WNT7A: variants seen among roughly 807,000 people sequenced by gnomAD.
WNT7A encodes the protein protein Wnt-7a.
In WNT7A, 16 loss-of-function variants were observed where a neutral mutation model predicts 28.2. The ratio of observed to expected loss-of-function variants is 0.57; its 90% CI spans 0.38 to 0.86. WNT7A has a LOEUF of 0.86. Among genes scored for constraint, WNT7A ranks in the 40% least tolerant of loss-of-function variants. The pLI, the probability that WNT7A is intolerant of heterozygous loss-of-function variation, is 0.00. For synonymous variants in WNT7A, 190 were observed against 195.9 expected (o/e 0.97, Z 0.25); for missense variants, 411 against 489.7 (o/e 0.84, Z 1.52).
chr3:13,845,308 G>T (rs1314838190), intron 3 of WNT7A, among the ~76,000 whole-genome samples: 2 of 152,216 alleles, frequency 1.3e-5, no homozygotes, highest in East Asian at 3.8e-4. Flanking sequence ...CTCTAAGAGA[G>T]TGATGTCCAA....
chr3:13,877,147 TGG>T (rs1695122340), intron 1 of WNT7A: 1 of 152,222 alleles, frequency 6.6e-6, no homozygotes, highest in Non-Finnish European at 1.5e-5. Context: ...TCAGTAAACT[TGG>T]GCAGTGTCCC....
At chr3:13,853,416 G>T (rs973424715) in intron 3 of WNT7A, among the ~76,000 whole-genome samples, 2 of 152,192 alleles carry the variant, frequency 1.3e-5, no homozygotes, top group Admixed American at 6.5e-5. Flanking sequence ...GCCCCAACCT[G>T]CAGGGGTTCC....
At chr3:13,858,657 G>T (rs1694785128) in intron 2 of WNT7A, among the ~76,000 whole-genome samples, 1 of 152,090 alleles carries the variant, frequency 6.6e-6, no homozygotes, top group Admixed American at 6.5e-5. Context: ...TCCCCACCAA[G>T]CTGGGCTTCC....
intron 3 of WNT7A, among the ~76,000 whole-genome samples, chr3:13,837,786 A>T (rs1274930867): frequency 6.6e-6 from 1 of 152,054 alleles, no homozygotes; most frequent in African/African-American, 2.4e-5. Context: ...CCTCCATCTG[A>T]GCTGCCTGGG....
At chr3:13,842,808 G>A (rs1279046343) in intron 3 of WNT7A, among the ~76,000 whole-genome samples, 1 of 152,198 alleles carries the variant, frequency 6.6e-6, no homozygotes, top group Non-Finnish European at 1.5e-5. Flanking sequence ...CTGGAGCAGG[G>A]AGGCAGGATG....
intron 3 of WNT7A, among the ~76,000 whole-genome samples, chr3:13,821,519 C>A (rs1469986039): frequency 2.0e-5 from 3 of 152,230 alleles, no homozygotes; most frequent in Non-Finnish European, 4.4e-5. Flanking sequence ...TGGGCACCAT[C>A]CAGATGACCA....
At chr3:13,864,306 A>T (rs760447742) in intron 2 of WNT7A, among the ~76,000 whole-genome samples, 1 of 152,110 alleles carries the variant, frequency 6.6e-6, no homozygotes, top group Non-Finnish European at 1.5e-5. Flanking sequence ...AAAACCCTGC[A>T]GGATGCCTGG....
chr3:13,854,358 T>C (rs984554369), intron 3 of WNT7A, among the ~76,000 whole-genome samples, 174 bp downstream of exon 3: 1 of 152,126 alleles, frequency 6.6e-6, no homozygotes, highest in African/African-American at 2.4e-5. Context: ...ACTGACAAGC[T>C]TCGTGCCATA....
chr3:13,879,757 G>GTAGA lies in WNT7A; in HGVS notation c.56_59dup (p.Arg22ProfsTer19), dbSNP rs1234273393. On this transcript the variant is annotated frameshift_variant, in exon 1 of 4. Coordinates refer to ENST00000285018, the MANE Select transcript of WNT7A (RefSeq NM_004625.4). LOFTEE classifies it high-confidence loss of function. ...CAGGCAGCCCTTACCCGATCCGGAG[G>GTAGA]TAGACCATGCCCAGGCTGAGAAAGA... is the stretch of plus-strand genomic sequence containing the variant. 6.2e-7 allele frequency: 1 copy of GTAGA among 1,612,970 alleles called. No homozygotes were observed.
intron 2 of WNT7A, among the ~76,000 whole-genome samples, chr3:13,873,580 C>T (rs1695057460): frequency 2.0e-5 from 3 of 152,126 alleles, no homozygotes; most frequent in African/African-American, 7.2e-5. Context: ...GGCTGTGCTT[C>T]CTTCCAAAAG....
chr3:13,838,149 C>T (rs1464903784), intron 3 of WNT7A, among the ~76,000 whole-genome samples: 3 of 146,628 alleles, frequency 2.0e-5, no homozygotes, highest in African/African-American at 5.0e-5. Context: ...CTGGGCAGAG[C>T]AGGTGGGGGG....
chr3:13,870,255 G>A (rs1331801071), intron 2 of WNT7A, among the ~76,000 whole-genome samples: 1 of 152,100 alleles, frequency 6.6e-6, no homozygotes, highest in Non-Finnish European at 1.5e-5. Flanking sequence ...TGTTAGTGTG[G>A]GCCCTAATCC....
Position 13,850,038 on chromosome 3 carries a change from C to A in WNT7A, c.570+4494G>T, listed in dbSNP as rs553591362. ...CCCCTGCCATGGAAGAAACCAAGGC[C>A]CTGAAAGGCTGAGATGTGTGCAAGA... is the stretch of plus-strand genomic sequence containing the variant. On this transcript the variant is annotated intron_variant, in intron 3 of 3. Coordinates refer to ENST00000285018, the MANE Select transcript of WNT7A (RefSeq NM_004625.4). Among the ~76,000 whole-genome samples the A allele has an allele frequency of 1.0e-3, 154 of 152,318 alleles. 1 individual carries two copies. The highest frequency in any genetic ancestry group is 1.9e-3 in the Admixed American group (29 of 15,308).
chr3:13,819,648 G>A (rs1694080198), intron 3 of WNT7A, among the ~76,000 whole-genome samples: 1 of 152,148 alleles, frequency 6.6e-6, no homozygotes, highest in Non-Finnish European at 1.5e-5. Context: ...TTCCCCATAT[G>A]TAGAAGGGGG....
chr3:13,818,869 G>A lies in WNT7A; in HGVS notation c.*75C>T, dbSNP rs1694062064. The A allele has an allele frequency of 6.7e-7, 1 of 1,501,896 alleles. No individual in the cohort carries two copies. Among genetic ancestry groups the A allele is most frequent in the Non-Finnish European group, 8.9e-7 (1 of 1,124,536 alleles). The allele number at this position is 1,501,896 out of a possible 1,614,324, so 93.0% of individuals were successfully genotyped here. A position where few individuals can be genotyped will look rare whatever the true frequency, so the allele number is the denominator to read the frequency against. On this transcript the variant is annotated 3_prime_UTR_variant, in exon 4 of 4. Coordinates refer to ENST00000285018, the MANE Select transcript of WNT7A (RefSeq NM_004625.4). Reference sequence around the variant, plus strand: ...AAGACAAGCTCAGCATCCTGCCAGGGAGCCCGCAGCTTGGAAACGGTCCAG... The same window carrying A: ...AAGACAAGCTCAGCATCCTGCCAGGAAGCCCGCAGCTTGGAAACGGTCCAG...
intron 1 of WNT7A, among the ~76,000 whole-genome samples, chr3:13,875,657 A>G (rs991909528): frequency 1.3e-5 from 2 of 152,188 alleles, no homozygotes; most frequent in African/African-American, 4.8e-5. Flanking sequence ...TTCATTAAAA[A>G]AATCTGTTTT....
intron 2 of WNT7A, among the ~76,000 whole-genome samples, chr3:13,869,933 A>T (rs1039971547): frequency 5.3e-5 from 8 of 152,140 alleles, no homozygotes; most frequent in African/African-American, 1.9e-4. Context: ...GCCCCTGCTC[A>T]TTCCCACCAT....
intron 3 of WNT7A, among the ~76,000 whole-genome samples, chr3:13,829,087 A>G (rs1694239819): frequency 6.6e-6 from 1 of 152,162 alleles, no homozygotes; most frequent in Non-Finnish European, 1.5e-5. Context: ...CTCCCTTTCT[A>G]TCTTTGGATG....
chr3:13,834,746 C>T (rs913449045), intron 3 of WNT7A, among the ~76,000 whole-genome samples: 4 of 152,198 alleles, frequency 2.6e-5, no homozygotes, highest in African/African-American at 4.8e-5. Context: ...GAGGCTCTCC[C>T]TGACTTTTGC....
Sources: allele counts gnomAD v4.1 joint callset (sites outside exome capture counted in the v4.1 genomes callset), GRCh38; gene constraint gnomAD v4.1.1; transcripts MANE v1.5; gene names NCBI Gene and HGNC (gene_info 2026-07-23, HGNC 2026-07-21).